TTLL7: variants seen among roughly 807,000 people sequenced by gnomAD.
The protein encoded by TTLL7 is tubulin polyglutamylase TTLL7.
In TTLL7, 53 loss-of-function variants were observed where a neutral mutation model predicts 120.2. The observed-to-expected ratio is 0.44, with a 90% CI of 0.35 to 0.55. The LOEUF is 0.55. Ranked by LOEUF, TTLL7 falls within the 20% of genes least tolerant of loss-of-function variation. TTLL7 has a pLI of 0.00. For synonymous variants in TTLL7, 353 were observed against 351.7 expected (o/e 1.00, Z -0.04); for missense variants, 803 against 1,054.7 (o/e 0.76, Z 3.31).
intron 18 of TTLL7, among the ~76,000 whole-genome samples, chr1:83,891,278 G>GA (rs932328769): frequency 6.6e-6 from 1 of 151,354 alleles, no homozygotes; most frequent in Non-Finnish European, 1.5e-5. Context: ...ATTTTTAATA[G>GA]AAAAAAAGGA....
At chr1:83,889,735 T>A (rs11163862) in intron 19 of TTLL7, among the ~76,000 whole-genome samples, 72,137 of 151,818 alleles carry the variant, frequency 0.48, 18,210 homozygotes, top group Non-Finnish European at 0.57. Context: ...TTGTTGAAAG[T>A]ATGAATGGAA....
intron 20 of TTLL7, among the ~76,000 whole-genome samples, chr1:83,877,014 T>C (rs1355688542): frequency 6.6e-6 from 1 of 152,040 alleles, no homozygotes; most frequent in Non-Finnish European, 1.5e-5. Context: ...ACACTAGGTA[T>C]GTTTGTTGTA....
chr1:83,892,112 C>T (rs1192114932), intron 18 of TTLL7, among the ~76,000 whole-genome samples: 5 of 151,332 alleles, frequency 3.3e-5, no homozygotes, highest in South Asian at 2.1e-4. Context: ...TACAGGCATG[C>T]GTCATCACCC....
At position 83,869,910 on chromosome 1, in the gene TTLL7, G is replaced by A; in HGVS notation, c.*52C>T. 1 of 1,580,336 alleles carries A rather than the reference G, an allele frequency of 6.3e-7. No homozygotes were observed. Among genetic ancestry groups the A allele is most frequent in the Non-Finnish European group, 8.5e-7 (1 of 1,169,604 alleles). On this transcript the variant is annotated 3_prime_UTR_variant, in exon 21 of 21. Coordinates refer to ENST00000260505, the MANE Select transcript of TTLL7 (RefSeq NM_024686.6). ...GTTCTTTGCATGTTCAACTTCAGAG[G>A]AAAAAAATGAATTGCTGTTATGTAT...
intron 1 of TTLL7, among the ~76,000 whole-genome samples, chr1:83,954,613 C>T (rs1167487180): frequency 6.6e-6 from 1 of 152,154 alleles, no homozygotes; most frequent in Admixed American, 6.5e-5. Context: ...TTTGAAAATC[C>T]TGCTGTCCAG....
intron 20 of TTLL7, chr1:83,879,798 A>G (rs768940282): frequency 1.6e-4 from 25 of 152,020 alleles, no homozygotes; most frequent in Admixed American, 2.6e-4. Flanking sequence ...CTGACCATTT[A>G]TCAGAAGTCC....
At chr1:83,971,999 A>G (rs1651035271) in intron 1 of TTLL7, among the ~76,000 whole-genome samples, 1 of 151,784 alleles carries the variant, frequency 6.6e-6, no homozygotes, top group Non-Finnish European at 1.5e-5. Flanking sequence ...AGAGGAAGGT[A>G]CAGAGATTTC....
At chr1:83,937,485 G>A (rs558967195) in intron 8 of TTLL7, among the ~76,000 whole-genome samples, 2 of 152,294 alleles carry the variant, frequency 1.3e-5, no homozygotes, top group African/African-American at 2.4e-5. Flanking sequence ...TTACAGGCGT[G>A]AGCCACTGTG....
Position 83,951,971 on chromosome 1 carries a change from G to T in TTLL7, c.31C>A (p.Gln11Lys). 1 of 1,600,386 alleles carries T rather than the reference G, an allele frequency of 6.2e-7. No individual in the cohort carries two copies. The highest frequency in any genetic ancestry group is 8.5e-7 in the Non-Finnish European group (1 of 1,176,348). The change falls in exon 3 of 21, where the codon CAG becomes AAG. Residue 11 changes from glutamine to lysine, a missense_variant. Physicochemically the swap from Gln to Lys is moderately conservative, Grantham distance 53 (BLOSUM62 1). Around this residue, in one of 3 missense-constraint regions of TTLL7, gnomAD observed 91 missense variants for 96.6 expected, o/e 0.94. Transcript: ENST00000260505. MPSLPQEGVI[Q>K]GPSPLDLNTE... ...TTCAAATCCAGGGGAGAGGGTCCCT[G>T]AATAACTTTAAAAAAATGTAAAATA...
Position 83,951,858 on chromosome 1 carries a change from T to C in TTLL7, c.144A>G (p.Thr48=), listed in dbSNP as rs758842670. 3 of 1,607,712 alleles carry C rather than the reference T, an allele frequency of 1.9e-6. No homozygotes were observed. In the Admixed American group the frequency reaches 5.1e-5, roughly 27 times the overall value. Reference sequence around the variant, plus strand: ...AAGGAAACCTACCAATTTCAAACTTTGTCCCGGCAACATTTGCTGTAATGG... The same window carrying C: ...AAGGAAACCTACCAATTTCAAACTTCGTCCCGGCAACATTTGCTGTAATGG... ...KGTITANVAG[T]KFEIVRLVID... is the part of the protein sequence containing the mutation. Residue 48 remains threonine, a synonymous_variant, in exon 3 of 21, where the codon ACA becomes ACG. Transcript: ENST00000260505.
Position 83,952,339 on chromosome 1 carries a change from G to A in TTLL7, c.-128C>T. 4 of 918,920 alleles carry A rather than the reference G, an allele frequency of 4.4e-6. No individual in the cohort carries two copies. The highest frequency in any genetic ancestry group is 6.4e-6 in the Non-Finnish European group (4 of 622,342). 56.9% of individuals were successfully genotyped at this position (918,920 alleles called of 1,614,324 possible). On this transcript the variant is annotated 5_prime_UTR_variant, in exon 2 of 21. Transcript: ENST00000260505. ...TGAAAGTTCTTATCATATTATCTTGGTGGAATCCTCAGATTTCAGGATACC... is the reference window on the plus strand; with the variant it reads ...TGAAAGTTCTTATCATATTATCTTGATGGAATCCTCAGATTTCAGGATACC...
rs1412285977 is a variant in TTLL7, at chr1:83,875,584, C to T, written c.2544-5502G>A. 4.6e-5 allele frequency among the ~76,000 whole-genome samples: 7 copies of T among 151,820 alleles called. 1 individual carries two copies. The highest frequency in any genetic ancestry group is 8.8e-5 in the Non-Finnish European group (6 of 67,820). The stretch of plus-strand genomic sequence containing the variant: ...GTAAAAGGGTAGGCTTTAGATGTAA[C>T]ACCAAACTGTAAAAGGTACCAACTT... On this transcript the variant is annotated intron_variant, in intron 20 of 20. Transcript: ENST00000260505.
chr1:83,885,019 G>T, intron 19 of TTLL7: 1 of 235,818 alleles, frequency 4.2e-6, no homozygotes, highest in Non-Finnish European at 6.9e-6. Flanking sequence ...AACTAGATAT[G>T]ACACATACGT....
rs1293387514 is a variant in TTLL7, at chr1:83,942,520, A to G, written c.666T>C (p.His222=). 3 of 1,613,972 alleles carry G rather than the reference A, an allele frequency of 1.9e-6. No individual in the cohort carries two copies. Among genetic ancestry groups the G allele is most frequent in the Non-Finnish European group, 2.5e-6 (3 of 1,179,960 alleles). ...CTGTACCCATTCGCACAAGCCCATC[A>G]TGGTAGAGAAATATTTTTAGTGGAT... ...SCDPLKIFLY[H]DGLVRMGTEK... The change falls in exon 7 of 21, where the codon CAT becomes CAC. Residue 222 remains histidine, a synonymous_variant. Coordinates refer to ENST00000260505, the MANE Select transcript of TTLL7 (RefSeq NM_024686.6).
chr1:83,988,005 T>C (rs1289137373), intron 1 of TTLL7, among the ~76,000 whole-genome samples: 3 of 152,294 alleles, frequency 2.0e-5, no homozygotes, highest in East Asian at 1.9e-4. Flanking sequence ...TAGTACCCAA[T>C]TGGTAGTTTT....
intron 1 of TTLL7, among the ~76,000 whole-genome samples, chr1:83,970,521 G>T (rs1046212245): frequency 1.3e-5 from 2 of 152,082 alleles, no homozygotes; most frequent in African/African-American, 4.8e-5. Context: ...GAAGCAGTTG[G>T]TTTTTCAAGT....
At chr1:83,970,077 C>T (rs1476346181) in intron 1 of TTLL7, among the ~76,000 whole-genome samples, 1 of 151,946 alleles carries the variant, frequency 6.6e-6, no homozygotes, top group Non-Finnish European at 1.5e-5. Flanking sequence ...ATGAATCATA[C>T]ACCAGGATAA....
chr1:83,989,465 T>C (rs1221724423), intron 1 of TTLL7, among the ~76,000 whole-genome samples: 4 of 152,192 alleles, frequency 2.6e-5, no homozygotes, highest in Non-Finnish European at 5.9e-5. Flanking sequence ...TCAACTTTGT[T>C]AACCATGTGG....
At chr1:83,900,854 T>C (rs1436305755) in intron 18 of TTLL7, among the ~76,000 whole-genome samples, 4 of 152,048 alleles carry the variant, frequency 2.6e-5, no homozygotes, top group Admixed American at 2.6e-4. Flanking sequence ...CAAAGGCCCT[T>C]TTACCCATAC....
Sources: allele counts gnomAD v4.1 joint callset (sites outside exome capture counted in the v4.1 genomes callset), GRCh38; gene constraint gnomAD v4.1.1; regional missense constraint gnomAD v4.1.1; transcripts MANE v1.5; gene names NCBI Gene and HGNC (gene_info 2026-07-23, HGNC 2026-07-21).